GRIA4: variants seen among roughly 807,000 people sequenced by gnomAD.
The protein encoded by GRIA4 is glutamate ionotropic receptor AMPA type subunit 4.
Under a neutral mutation model 104.0 loss-of-function variants are expected in GRIA4, and 34 were observed. The ratio of observed to expected loss-of-function variants is 0.33; its 90% CI spans 0.25 to 0.44. The LOEUF is 0.44. Among genes scored for constraint, GRIA4 ranks in the 20% least tolerant of loss-of-function variants. The pLI, the probability that GRIA4 is intolerant of heterozygous loss-of-function variation, is 1.00. For synonymous variants in GRIA4, 386 were observed against 381.9 expected, an observed-to-expected ratio of 1.01 and a Z score of -0.13; for missense variants, 750 against 1,096.5, an observed-to-expected ratio of 0.68 and a Z score of 4.46.
chr11:105,796,252 T>C (rs1226980612), intron 4 of GRIA4, among the ~76,000 whole-genome samples: 1 of 152,202 alleles, frequency 6.6e-6, no homozygotes, highest in African/African-American at 2.4e-5. Flanking sequence ...CCAAATGTTT[T>C]GCTCTCTCTA....
intron 7 of GRIA4, among the ~76,000 whole-genome samples, chr11:105,902,299 C>T (rs1405561780): frequency 6.6e-6 from 1 of 151,450 alleles, no homozygotes; most frequent in East Asian, 1.9e-4. Context: ...GTCTCATGGC[C>T]GTGTTGCCTA....
intron 4 of GRIA4, among the ~76,000 whole-genome samples, chr11:105,809,435 G>T (rs1319601027): frequency 6.6e-6 from 1 of 152,030 alleles, no homozygotes; most frequent in Non-Finnish European, 1.5e-5. Context: ...TCCCTATTGT[G>T]CTACTAATAT....
chr11:105,693,513 G>A (rs1953162624), intron 3 of GRIA4, among the ~76,000 whole-genome samples: 1 of 152,116 alleles, frequency 6.6e-6, no homozygotes, highest in Non-Finnish European at 1.5e-5. Context: ...CTAGAGAGAT[G>A]CAGGATCTTA....
chr11:105,928,595 T>A (rs1947784908), intron 13 of GRIA4, among the ~76,000 whole-genome samples: 1 of 152,060 alleles, frequency 6.6e-6, no homozygotes, highest in Admixed American at 6.6e-5. Flanking sequence ...AAAATTACTA[T>A]GTATATGCAC....
chr11:105,610,991 AAAG>A lies in GRIA4; in HGVS notation c.-2_1del, dbSNP rs1555080236. The A allele has an allele frequency of 3.1e-6, 5 of 1,602,784 alleles. No individual in the cohort carries two copies. The highest frequency in any genetic ancestry group is 4.3e-6 in the Non-Finnish European group (5 of 1,170,266). On this transcript the variant is annotated 5_prime_UTR_variant, in exon 2 of 17. Coordinates refer to ENST00000282499, the MANE Select transcript of GRIA4 (RefSeq NM_000829.4). ...GAGAGCGCGCGCCAGGGAGAGGAGA[AAAG>A]AAGATGAGGATTATTTCCAGACAGA...
chr11:105,685,137 GGGAGGGAGGGAA>G (rs1952835169), intron 3 of GRIA4, among the ~76,000 whole-genome samples: 2 of 148,190 alleles, frequency 1.3e-5, no homozygotes, highest in African/African-American at 5.0e-5. Flanking sequence ...AAAGAAGGGA[GGGAGGGAGGGAA>G]GGAGGGAGGA....
At chr11:105,726,440 G>T (rs985412505) in intron 3 of GRIA4, among the ~76,000 whole-genome samples, 1 of 152,122 alleles carries the variant, frequency 6.6e-6, no homozygotes, top group East Asian at 1.9e-4. Flanking sequence ...AGGGCACCTG[G>T]GGGGAGGGGC....
At chr11:105,686,792 C>G (rs181458111) in intron 3 of GRIA4, among the ~76,000 whole-genome samples, 19 of 152,110 alleles carry the variant, frequency 1.2e-4, no homozygotes, top group African/African-American at 4.6e-4. Flanking sequence ...TGGTATCTCA[C>G]TGTAGTTTCG....
chr11:105,673,308 C>G (rs952563438), intron 3 of GRIA4, among the ~76,000 whole-genome samples: 1 of 152,068 alleles, frequency 6.6e-6, no homozygotes, highest in Non-Finnish European at 1.5e-5. Context: ...GTGCTGAAAC[C>G]ATGGATTTGA....
chr11:105,655,403 T>A (rs1167857039), intron 3 of GRIA4, among the ~76,000 whole-genome samples: 3 of 152,152 alleles, frequency 2.0e-5, no homozygotes. Context: ...GTTTGTTACA[T>A]AGGTATACAT....
At position 105,980,853 on chromosome 11, in the gene GRIA4, T is replaced by C. The variant is rs528876234; in HGVS notation, c.*1114T>C. The C allele has an allele frequency of 6.5e-6, 1 of 152,768 alleles. No individual in the cohort carries two copies. Among genetic ancestry groups the C allele is most frequent in the East Asian group, 1.9e-4 (1 of 5,186 alleles). 9.5% of individuals were successfully genotyped at this position (152,768 alleles called of 1,614,324 possible). A position where few individuals can be genotyped will look rare whatever the true frequency, so the allele number is the denominator to read the frequency against. ...TATTTTTTGCATACTAAGCTACCCC[T>C]CCTTTTCAGATCTTTGACTCATTAA... On this transcript the variant is annotated 3_prime_UTR_variant, in exon 17 of 17. Transcript: ENST00000282499.
intron 4 of GRIA4, among the ~76,000 whole-genome samples, chr11:105,793,019 T>C (rs891432039): frequency 4.6e-5 from 7 of 152,158 alleles, no homozygotes; most frequent in African/African-American, 1.7e-4. Context: ...TTCCCTATAT[T>C]CTCTTATTTA....
intron 4 of GRIA4, among the ~76,000 whole-genome samples, chr11:105,794,545 G>C (rs1942399448): frequency 8.0e-6 from 1 of 124,676 alleles, no homozygotes; most frequent in African/African-American, 3.0e-5. Context: ...CTGTCTCTCT[G>C]AGATATATAC....
chr11:105,654,518 GCA>G (rs766129790), intron 3 of GRIA4, among the ~76,000 whole-genome samples: 3 of 151,198 alleles, frequency 2.0e-5, no homozygotes, highest in Admixed American at 6.6e-5. Flanking sequence ...ATTTTGAACT[GCA>G]CACACACACA....
At chr11:105,879,913 G>A (rs1007160140) in intron 5 of GRIA4, among the ~76,000 whole-genome samples, 11 of 152,202 alleles carry the variant, frequency 7.2e-5, no homozygotes, top group African/African-American at 2.6e-4. Context: ...AAGGGAACAG[G>A]GTGTAGTGAA....
chr11:105,794,513 A>G (rs1301185336), intron 4 of GRIA4, among the ~76,000 whole-genome samples: 1 of 106,272 alleles, frequency 9.4e-6, no homozygotes, highest in Non-Finnish European at 2.0e-5. Flanking sequence ...ATATATATAT[A>G]CATATACACA....
At chr11:105,815,558 G>A (rs557888567) in intron 4 of GRIA4, among the ~76,000 whole-genome samples, 1 of 152,166 alleles carries the variant, frequency 6.6e-6, no homozygotes, top group African/African-American at 2.4e-5. Flanking sequence ...AGTCTTTTAT[G>A]CTGCCTAGTC....
chr11:105,621,971 T>C (rs1336822221), intron 3 of GRIA4, among the ~76,000 whole-genome samples: 9 of 151,668 alleles, frequency 5.9e-5, no homozygotes, highest in African/African-American at 1.9e-4. Context: ...ATTTTATTTA[T>C]CAGATCTGTG....
At chr11:105,653,909 GTTTGT>G (rs1159555359) in intron 3 of GRIA4, among the ~76,000 whole-genome samples, 1 of 141,290 alleles carries the variant, frequency 7.1e-6, no homozygotes, top group Non-Finnish European at 1.5e-5. Flanking sequence ...AATACAATTA[GTTTGT>G]GGGGGAAAAT....
Sources: gnomAD v4.1 joint callset for allele counts (sites outside exome capture counted in the v4.1 genomes callset) on GRCh38, gnomAD v4.1.1 for gene constraint, MANE v1.5 for transcripts, NCBI Gene and HGNC (gene_info 2026-07-23, HGNC 2026-07-21) for gene names.